Variants in MCTP1 observed in about 807,000 individuals in gnomAD.
MCTP1 encodes the protein multiple C2 and transmembrane domain containing 1, also known as multiple C2 and transmembrane domain-containing protein 1.
A neutral mutation model predicts 120.6 loss-of-function variants in MCTP1; 69 were observed. The ratio of observed to expected loss-of-function variants is 0.57; its 90% CI spans 0.47 to 0.70. The LOEUF is 0.70. Among genes scored for constraint, MCTP1 ranks in the 30% least tolerant of loss-of-function variants. The pLI, the probability that MCTP1 is intolerant of heterozygous loss-of-function variation, is 0.00. For missense variants in MCTP1, 1,203 were observed against 1,248.8 expected (o/e 0.96, Z 0.55); for synonymous variants, 529 against 493.1 (o/e 1.07, Z -0.96).
At chr5:95,160,143 G>A (rs1162147446) in intron 1 of MCTP1, among the ~76,000 whole-genome samples, 2 of 152,174 alleles carry the variant, frequency 1.3e-5, no homozygotes, top group Non-Finnish European at 2.9e-5. Flanking sequence ...TGTTACTGAA[G>A]TTTTGTAATC....
intron 1 of MCTP1, among the ~76,000 whole-genome samples, chr5:95,231,698 A>T (rs2152650934): frequency 6.6e-6 from 1 of 152,322 alleles, no homozygotes; most frequent in South Asian, 2.1e-4. Flanking sequence ...TGGTAAATAG[A>T]TAAGATCATG....
At chr5:94,776,195 A>G (rs546360269) in intron 19 of MCTP1, among the ~76,000 whole-genome samples, 112 of 152,202 alleles carry the variant, frequency 7.4e-4, no homozygotes, top group African/African-American at 2.6e-3. Context: ...TGCAGAGGGA[A>G]AACACCCTAA....
At chr5:94,782,628 A>C (rs916224904) in intron 18 of MCTP1, among the ~76,000 whole-genome samples, 1 of 152,158 alleles carries the variant, frequency 6.6e-6, no homozygotes, top group Non-Finnish European at 1.5e-5. Flanking sequence ...TTAGGATGAG[A>C]GTGCTGGAGT....
chr5:95,058,969 T>C (rs1478588209), intron 1 of MCTP1, among the ~76,000 whole-genome samples: 3 of 152,162 alleles, frequency 2.0e-5, no homozygotes, highest in Non-Finnish European at 4.4e-5. Flanking sequence ...CCCAGGGACT[T>C]AGAAGCTCTT....
chr5:95,061,069 G>C (rs1187776051), intron 1 of MCTP1, among the ~76,000 whole-genome samples: 1 of 138,626 alleles, frequency 7.2e-6, no homozygotes, highest in Admixed American at 7.4e-5. Flanking sequence ...GGCCTTTGTT[G>C]GTCCTTCTCA....
chr5:95,161,474 C>G (rs1745736074), intron 1 of MCTP1, among the ~76,000 whole-genome samples: 1 of 151,970 alleles, frequency 6.6e-6, no homozygotes, highest in South Asian at 2.1e-4. Flanking sequence ...AGATGTTGAT[C>G]AAAGGGTGCA....
intron 1 of MCTP1, among the ~76,000 whole-genome samples, chr5:95,022,739 A>G (rs1402573826): frequency 1.3e-5 from 2 of 152,126 alleles, no homozygotes; most frequent in African/African-American, 4.8e-5. Context: ...ACCCAGGTAT[A>G]CCCTTAGAAT....
At chr5:94,896,452 T>C (rs1207296462) in intron 10 of MCTP1, among the ~76,000 whole-genome samples, 3 of 152,104 alleles carry the variant, frequency 2.0e-5, no homozygotes, top group Non-Finnish European at 4.4e-5. Context: ...GATCATGCAT[T>C]TCCCGGTCCC....
rs1441833668 is a variant in MCTP1 at position 94,705,025 on chromosome 5, A to ATGAC, written c.*2467_*2470dup. 4.0e-5 allele frequency: 6 copies of ATGAC among 151,336 alleles called. No individual in the cohort carries two copies. The highest frequency in any genetic ancestry group is 1.5e-4 in the African/African-American group (6 of 41,358). 9.4% of individuals were successfully genotyped at this position (151,336 alleles called of 1,614,324 possible). A position where few individuals can be genotyped will look rare whatever the true frequency, so the allele number is the denominator to read the frequency against. ...CAGTAATAGTTTATGAATATAAATA[A>ATGAC]TGACTCAGTGAATTTACTCACTAAA... On this transcript the variant is annotated 3_prime_UTR_variant, in exon 23 of 23. Transcript: ENST00000515393.
At chr5:94,982,399 G>A (rs1422814155) in intron 2 of MCTP1, among the ~76,000 whole-genome samples, 1 of 152,016 alleles carries the variant, frequency 6.6e-6, no homozygotes, top group Non-Finnish European at 1.5e-5. Flanking sequence ...ATGGTGTATC[G>A]AGCACATAAT....
intron 17 of MCTP1, among the ~76,000 whole-genome samples, chr5:94,862,872 C>T (rs896679484): frequency 2.6e-5 from 4 of 151,774 alleles, no homozygotes; most frequent in African/African-American, 9.7e-5. Flanking sequence ...GAATTGGGTG[C>T]ACAATCTATT....
chr5:95,000,822 A>C (rs374582679), intron 2 of MCTP1, among the ~76,000 whole-genome samples: 1 of 152,214 alleles, frequency 6.6e-6, no homozygotes, highest in Non-Finnish European at 1.5e-5. Flanking sequence ...ACCTACAGTA[A>C]AGTCCTAGGT....
chr5:95,192,796 GTAT>G (rs1749967782), intron 1 of MCTP1, among the ~76,000 whole-genome samples: 2 of 151,774 alleles, frequency 1.3e-5, no homozygotes, highest in Non-Finnish European at 2.9e-5. Context: ...GTTTGTGTCA[GTAT>G]TAAGCCAAGA....
chr5:95,274,214 C>T (rs1291757945), intron 1 of MCTP1, among the ~76,000 whole-genome samples: 1 of 152,200 alleles, frequency 6.6e-6, no homozygotes, highest in African/African-American at 2.4e-5. Flanking sequence ...ACACAGGACA[C>T]TTATTTGCCT....
At chr5:95,146,117 G>C (rs548765131) in intron 1 of MCTP1, among the ~76,000 whole-genome samples, 1 of 152,078 alleles carries the variant, frequency 6.6e-6, no homozygotes, top group African/African-American at 2.4e-5. Context: ...TGAATCTTGG[G>C]AGATTATTTG....
chr5:95,244,161 A>C (rs1234649035), intron 1 of MCTP1, among the ~76,000 whole-genome samples: 1 of 152,236 alleles, frequency 6.6e-6, no homozygotes, highest in Non-Finnish European at 1.5e-5. Flanking sequence ...ATAGGAATAC[A>C]AAAGTAGAAA....
At chr5:95,082,506 A>G (rs980132576) in intron 1 of MCTP1, among the ~76,000 whole-genome samples, 1 of 152,206 alleles carries the variant, frequency 6.6e-6, no homozygotes, top group Admixed American at 6.5e-5. Context: ...CCATGTTAAT[A>G]ACAGTAAGTA....
chr5:95,167,673 T>C lies in MCTP1; in HGVS notation c.720+116183A>G, dbSNP rs537838382. On this transcript the variant is annotated intron_variant, in intron 1 of 22. Coordinates refer to ENST00000515393, the MANE Select transcript of MCTP1 (RefSeq NM_024717.7). ...TCTGATGGCCAGTGATGATGAGCAT[T>C]TTTTCATGTGTCTTTTGGCTACATA... 2.0e-3 allele frequency among the ~76,000 whole-genome samples: 301 copies of C among 152,230 alleles called. 1 individual carries two copies. Among genetic ancestry groups the C allele is most frequent in the African/African-American group, 7.1e-3 (296 of 41,526 alleles).
intron 2 of MCTP1, among the ~76,000 whole-genome samples, chr5:94,993,989 G>A (rs916545020): frequency 6.6e-6 from 1 of 152,266 alleles, no homozygotes; most frequent in Admixed American, 6.5e-5. Flanking sequence ...AACTACCAAA[G>A]TCAAGCAGAT....
Sources: allele counts gnomAD v4.1 joint callset (sites outside exome capture counted in the v4.1 genomes callset), GRCh38; gene constraint gnomAD v4.1.1; transcripts MANE v1.5; gene names NCBI Gene and HGNC (gene_info 2026-07-23, HGNC 2026-07-21).